The following VTI1A variants were observed in gnomAD, a reference collection of about 807,000 sequenced individuals.
The protein encoded by VTI1A is vesicle transport through interaction with t-SNAREs homolog 1A.
A neutral mutation model predicts 34.9 loss-of-function variants in VTI1A; 22 were observed. The ratio of observed to expected loss-of-function variants is 0.63; its 90% CI spans 0.45 to 0.90. The LOEUF is 0.90. Ranked by LOEUF, VTI1A falls within the 40% of genes least tolerant of loss-of-function variation. The pLI is 0.00. For synonymous variants in VTI1A, 87 were observed against 97.3 expected, an observed-to-expected ratio of 0.89 and a Z score of 0.62; for missense variants, 268 against 275.6, an observed-to-expected ratio of 0.97 and a Z score of 0.20.
chr10:112,613,582 C>A (rs1429311154), intron 5 of VTI1A, among the ~76,000 whole-genome samples: 1 of 152,204 alleles, frequency 6.6e-6, no homozygotes, highest in African/African-American at 2.4e-5. Flanking sequence ...AGACTCTTCA[C>A]TGCCTAACTT....
At chr10:112,510,221 G>A (rs1849559347) in intron 3 of VTI1A, among the ~76,000 whole-genome samples, 2 of 152,198 alleles carry the variant, frequency 1.3e-5, no homozygotes, top group South Asian at 2.1e-4. Flanking sequence ...TAGTGCTGAA[G>A]CATTCCAGTG....
chr10:112,532,046 T>G (rs1035196648), intron 4 of VTI1A, among the ~76,000 whole-genome samples: 55 of 152,338 alleles, frequency 3.6e-4, no homozygotes. Context: ...TTTCACTGAA[T>G]GTACTGTGAG....
chr10:112,493,459 CTTTATTT>C (rs1383908905), intron 3 of VTI1A, among the ~76,000 whole-genome samples: 1 of 151,830 alleles, frequency 6.6e-6, no homozygotes, highest in Non-Finnish European at 1.5e-5. Flanking sequence ...TTAAAATTTT[CTTTATTT>C]TTTATTTTTC....
intron 5 of VTI1A, among the ~76,000 whole-genome samples, chr10:112,667,077 T>TA (rs143204963): frequency 3.4e-5 from 5 of 149,230 alleles, no homozygotes; most frequent in East Asian, 2.0e-4. Flanking sequence ...GGGTGTCCTT[T>TA]AAAAAAAAAA....
chr10:112,605,153 C>T (rs1845026992), intron 5 of VTI1A, among the ~76,000 whole-genome samples: 1 of 152,140 alleles, frequency 6.6e-6, no homozygotes, highest in South Asian at 2.1e-4. Flanking sequence ...GGCTCAATCT[C>T]CACAGGTTTT....
intron 5 of VTI1A, among the ~76,000 whole-genome samples, chr10:112,599,762 T>G (rs530376363): frequency 6.6e-6 from 1 of 152,208 alleles, no homozygotes; most frequent in South Asian, 2.1e-4. Flanking sequence ...AAATTTTTTG[T>G]CAAGACAGGG....
At chr10:112,644,868 A>C (rs1435833436) in intron 5 of VTI1A, among the ~76,000 whole-genome samples, 4 of 152,224 alleles carry the variant, frequency 2.6e-5, no homozygotes, top group Admixed American at 2.6e-4. Flanking sequence ...GCAAAATGAC[A>C]TTATGGTAAG....
chr10:112,830,849 A>ATTTTTT, the VTI1A span, among the ~76,000 whole-genome samples: 21 of 33,484 alleles, frequency 6.3e-4, no homozygotes, highest in East Asian at 2.9e-3. Flanking sequence ...ATATATATAT[A>ATTTTTT]TTTTTTTTTT....
Position 112,626,812 on chromosome 10 carries a change from G to T in VTI1A, c.428-41406G>T, listed in dbSNP as rs140175529. Among the ~76,000 whole-genome samples, 5 of 152,158 alleles carry T rather than the reference G, an allele frequency of 3.3e-5. No individual in the cohort carries two copies. In the East Asian group the frequency reaches 9.7e-4, roughly 29 times the overall value. On this transcript the variant is annotated intron_variant, in intron 5 of 7. Coordinates refer to ENST00000393077, the MANE Select transcript of VTI1A (RefSeq NM_145206.4). ...CATCTTCCAGTTAAAATGGGTAAAG[G>T]CTTAATCTAATAATTTTATTAAATG...
chr10:112,593,145 A>G (rs564952590), intron 5 of VTI1A, among the ~76,000 whole-genome samples: 34 of 152,242 alleles, frequency 2.2e-4, no homozygotes, highest in Non-Finnish European at 3.4e-4. Context: ...TGAAAAGTTT[A>G]GGTTAGACCA....
chr10:112,719,694 G>A (rs948878097), intron 7 of VTI1A, among the ~76,000 whole-genome samples: 1 of 152,086 alleles, frequency 6.6e-6, no homozygotes, highest in African/African-American at 2.4e-5. Context: ...TTACAGGCAT[G>A]CGCCACCACA....
intron 1 of VTI1A, among the ~76,000 whole-genome samples, chr10:112,458,670 A>G (rs1479915161): frequency 2.0e-5 from 3 of 150,346 alleles, no homozygotes; most frequent in Non-Finnish European, 1.5e-5. Flanking sequence ...TTTTATTTTT[A>G]TTTTTATTTT....
At position 112,767,537 on chromosome 10, in the gene VTI1A, C is replaced by T. The variant is rs76446714; in HGVS notation, c.561-47753C>T. ...CCATTCTAGTGTATTTGTGCTAGTTCTGAAAACAGGAGGGCATAAACTAAT... is the reference window on the plus strand; with the variant it reads ...CCATTCTAGTGTATTTGTGCTAGTTTTGAAAACAGGAGGGCATAAACTAAT... On this transcript the variant is annotated intron_variant, in intron 7 of 7. Transcript: ENST00000393077. This position sits in a 1 kb window ranked among gnomAD's most constrained non-coding sequence, Gnocchi z 4.0. Among the ~76,000 whole-genome samples the T allele has an allele frequency of 0.02, 3,018 of 152,286 alleles. 58 individuals are homozygous for T. Among genetic ancestry groups the T allele is most frequent in the South Asian group, 0.051 (244 of 4,820 alleles).
Position 112,465,224 on chromosome 10 carries a change from A to G in VTI1A, c.264+567A>G, listed in dbSNP as rs548600335. On this transcript the variant is annotated intron_variant, in intron 3 of 7. Coordinates refer to ENST00000393077, the MANE Select transcript of VTI1A (RefSeq NM_145206.4). ...AGAATATGTAGCTGTCTCTTCCTATATATCTGGCTTTCAACCGTATCTGCT... is the reference window on the plus strand; with the variant it reads ...AGAATATGTAGCTGTCTCTTCCTATGTATCTGGCTTTCAACCGTATCTGCT... 2.5e-3 allele frequency among the ~76,000 whole-genome samples: 376 copies of G among 152,064 alleles called. 2 individuals carry two copies. Among genetic ancestry groups the G allele is most frequent in the African/African-American group, 8.7e-3 (361 of 41,328 alleles).
At chr10:112,784,868 A>G (rs1051759944) in intron 7 of VTI1A, among the ~76,000 whole-genome samples, 1 of 152,222 alleles carries the variant, frequency 6.6e-6, no homozygotes, top group Non-Finnish European at 1.5e-5. Flanking sequence ...TTCATTTAAC[A>G]CACCCTCCCA....
At chr10:112,549,485 T>C (rs1851263575) in intron 5 of VTI1A, among the ~76,000 whole-genome samples, 1 of 152,198 alleles carries the variant, frequency 6.6e-6, no homozygotes, top group Admixed American at 6.5e-5. Context: ...TCCAAATTGT[T>C]GCGAAAATAA....
intron 7 of VTI1A, among the ~76,000 whole-genome samples, chr10:112,756,800 C>T (rs542655281): frequency 6.6e-6 from 1 of 152,268 alleles, no homozygotes; most frequent in Admixed American, 6.5e-5. Flanking sequence ...ATAATCCTAG[C>T]ACTTTAGGAG....
chr10:112,690,945 C>G (rs1848590658), intron 7 of VTI1A, among the ~76,000 whole-genome samples: 1 of 152,120 alleles, frequency 6.6e-6, no homozygotes, highest in African/African-American at 2.4e-5. Context: ...GAGAACTTCC[C>G]AGGCTGGGCC....
chr10:112,753,787 C>T (rs938323632), intron 7 of VTI1A, among the ~76,000 whole-genome samples: 3 of 152,118 alleles, frequency 2.0e-5, no homozygotes, highest in Non-Finnish European at 4.4e-5. Context: ...CTTTCTCTCA[C>T]GGTTGGGAAA....
Sources: allele counts gnomAD v4.1 joint callset (sites outside exome capture counted in the v4.1 genomes callset), GRCh38; gene constraint gnomAD v4.1.1; non-coding constraint Gnocchi (gnomAD v3.1); transcripts MANE v1.5; gene names NCBI Gene and HGNC (gene_info 2026-07-23, HGNC 2026-07-21).